Variants in MEOX1 observed in about 807,000 individuals in gnomAD.
The protein encoded by MEOX1 is homeobox protein MOX-1.
Under a neutral mutation model 23.2 loss-of-function variants are expected in MEOX1, and 17 were observed. That is an observed-to-expected ratio of 0.73 (90% confidence interval 0.50 to 1.10). MEOX1 has a LOEUF of 1.10. MEOX1 is among the 50% of genes least tolerant of loss of function. The pLI is 0.00. For synonymous variants in MEOX1, 134 were observed against 135.1 expected (o/e 0.99, Z 0.06); for missense variants, 333 against 332.2 (o/e 1.00, Z -0.02).
In MEOX1 at chr17:43,643,650, C is replaced by G; in HGVS notation, c.480G>C (p.Glu160Asp). The change falls in exon 2 of 3, where the codon GAG (glutamate) becomes GAC (aspartate). Residue 160 changes from glutamate (E) to aspartate (D), a missense_variant. By Grantham distance (45) the Glu-to-Asp change is conservative. Coordinates refer to ENST00000318579, the MANE Select transcript of MEOX1 (RefSeq NM_004527.4). ...RRRKESSDNQ[E>D]NRGKPEGSSK... is the part of the protein sequence containing the mutation. ...TGCTGCCCTCCGGCTTCCCTCTGTT[C>G]TCCTGGTTGTCTGGGGAGAGAGGAC... 6.2e-7 allele frequency: 1 copy of G among 1,612,938 alleles called. No individual in the cohort carries two copies. The highest frequency in any genetic ancestry group is 8.5e-7 in the Non-Finnish European group (1 of 1,179,688).
chr17:43,660,457 G>A (rs771486309), intron 1 of MEOX1, among the ~76,000 whole-genome samples: 2 of 152,098 alleles, frequency 1.3e-5, no homozygotes, highest in African/African-American at 4.8e-5. Context: ...GCCCAGCTCC[G>A]CAGGGTGATA....
At chr17:43,658,154 C>A (rs1267098290) in intron 1 of MEOX1, among the ~76,000 whole-genome samples, 1 of 152,218 alleles carries the variant, frequency 6.6e-6, no homozygotes, top group East Asian at 1.9e-4. Context: ...TTCCAGGGAC[C>A]ACTCAGCCTG....
chr17:43,655,339 C>T (rs1332082319), intron 1 of MEOX1, among the ~76,000 whole-genome samples: 2 of 150,212 alleles, frequency 1.3e-5, no homozygotes, highest in South Asian at 2.1e-4. Context: ...GGCGTGGTGG[C>T]GTGTGCCTGT....
chr17:43,657,104 T>A, intron 1 of MEOX1, among the ~76,000 whole-genome samples: 1 of 149,538 alleles, frequency 6.7e-6, no homozygotes, highest in East Asian at 1.9e-4. Flanking sequence ...TTTCTTTCTC[T>A]CTTTTTCTCT....
chr17:43,642,544 T>C (rs1305258901), intron 2 of MEOX1, among the ~76,000 whole-genome samples: 3 of 152,212 alleles, frequency 2.0e-5, no homozygotes, highest in Non-Finnish European at 2.9e-5. Context: ...GATTTGAATC[T>C]AAGTCTTCTG....
chr17:43,645,171 C>CTTTT (rs869205502), intron 1 of MEOX1, among the ~76,000 whole-genome samples: 13 of 99,782 alleles, frequency 1.3e-4, no homozygotes, highest in Non-Finnish European at 1.6e-4. Context: ...CATTAATTAT[C>CTTTT]TTTTTTTTTT....
chr17:43,657,170 CTTTTT>C (rs57432395), intron 1 of MEOX1, among the ~76,000 whole-genome samples: 10 of 81,714 alleles, frequency 1.2e-4, no homozygotes, highest in Non-Finnish European at 2.0e-4. Context: ...TTCTTTCTTT[CTTTTT>C]TTTTTTTTTT....
chr17:43,643,453 G>C (rs772527885), intron 2 of MEOX1, 35 bp downstream of exon 2: 17 of 1,518,266 alleles, frequency 1.1e-5, no homozygotes, highest in Non-Finnish European at 1.5e-5. Flanking sequence ...GGAGATGAGA[G>C]AGCAAAGAAG....
At chr17:43,648,155 T>C in intron 1 of MEOX1, among the ~76,000 whole-genome samples, 1 of 152,222 alleles carries the variant, frequency 6.6e-6, no homozygotes, top group East Asian at 1.9e-4. Context: ...ACAGTTCCTG[T>C]GCACCCTGCC....
chr17:43,654,960 G>A lies in MEOX1; in HGVS notation c.469+6106C>T, dbSNP rs183124520. 6.4e-3 allele frequency among the ~76,000 whole-genome samples: 971 copies of A among 152,224 alleles called. 13 individuals carry two copies. Among genetic ancestry groups the A allele is most frequent in the African/African-American group, 0.022 (933 of 41,502 alleles). The stretch of plus-strand genomic sequence containing the variant: ...CCAGCTACTCGGGAGGCTGAGGTAG[G>A]AGAATGGCATGAACCCGGGAGGCGG... On this transcript the variant is annotated intron_variant, in intron 1 of 2. Transcript: ENST00000318579.
intron 1 of MEOX1, among the ~76,000 whole-genome samples, chr17:43,656,028 A>G (rs1432972293): frequency 2.6e-5 from 4 of 152,214 alleles, no homozygotes; most frequent in Admixed American, 2.6e-4. Flanking sequence ...GATTTCAAAT[A>G]TAAGATGTCC....
rs928341779 is a variant in MEOX1 at position 43,661,175 on chromosome 17, G to A, written c.360C>T (p.Ser120=). ...CTCCTGTGGTGTCCACCAGGCCCAG[G>A]CTGCTGGTCCCCATTTCCTTGGAAC... is the stretch of plus-strand genomic sequence containing the variant. ...AGGSKEMGTS[S]LGLVDTTGGP... Residue 120 remains serine, a synonymous_variant, in exon 1 of 3, where the codon AGC becomes AGT. Coordinates refer to ENST00000318579, the MANE Select transcript of MEOX1 (RefSeq NM_004527.4). The A allele has an allele frequency of 1.9e-6, 3 of 1,600,318 alleles. No individual in the cohort carries two copies. Among genetic ancestry groups the A allele is most frequent in the Non-Finnish European group, 2.6e-6 (3 of 1,172,926 alleles).
chr17:43,653,476 C>A (rs1421377405), intron 1 of MEOX1, among the ~76,000 whole-genome samples: 1 of 150,652 alleles, frequency 6.6e-6, no homozygotes, highest in Non-Finnish European at 1.5e-5. Context: ...CAAACAGCTC[C>A]CTTCTTTAGA....
chr17:43,653,386 C>A (rs1972954616), intron 1 of MEOX1, among the ~76,000 whole-genome samples: 1 of 151,234 alleles, frequency 6.6e-6, no homozygotes, highest in African/African-American at 2.4e-5. Context: ...GTGATCCACC[C>A]ACCTTGGCCT....
intron 1 of MEOX1, among the ~76,000 whole-genome samples, chr17:43,648,331 T>C (rs1001756812): frequency 2.0e-5 from 3 of 151,530 alleles, no homozygotes; most frequent in Non-Finnish European, 4.4e-5. Flanking sequence ...TAGCCAGGCG[T>C]GGTGGCGGGC....
At chr17:43,648,240 C>A (rs576851638) in intron 1 of MEOX1, among the ~76,000 whole-genome samples, 1 of 152,006 alleles carries the variant, frequency 6.6e-6, no homozygotes, top group African/African-American at 2.4e-5. Flanking sequence ...GAGGCCGAGG[C>A]GGGCGGATCA....
Position 43,661,618 on chromosome 17 carries a change from A to G in MEOX1, c.-84T>C. 7 of 857,592 alleles carry G rather than the reference A, an allele frequency of 8.2e-6. No individual in the cohort carries two copies. Among genetic ancestry groups the G allele is most frequent in the Non-Finnish European group, 1.1e-5 (7 of 610,448 alleles). 53.1% of individuals were successfully genotyped at this position (857,592 alleles called of 1,614,324 possible). A position where few individuals can be genotyped will look rare whatever the true frequency, so the allele number is the denominator to read the frequency against. Reference sequence around the variant, plus strand: ...TTCAAATTTTTAAAAATGCAAAAGAAAAAAAACTAAATAGGAGGGAAAAAT... The same window carrying G: ...TTCAAATTTTTAAAAATGCAAAAGAGAAAAAACTAAATAGGAGGGAAAAAT... On this transcript the variant is annotated 5_prime_UTR_variant, in exon 1 of 3. Coordinates refer to ENST00000318579, the MANE Select transcript of MEOX1 (RefSeq NM_004527.4).
intron 1 of MEOX1, among the ~76,000 whole-genome samples, chr17:43,647,842 G>A (rs1472512109): frequency 2.0e-5 from 3 of 152,164 alleles, no homozygotes; most frequent in Non-Finnish European, 2.9e-5. Context: ...GGGAACTGAC[G>A]GTCTCAGCTA....
At chr17:43,645,127 G>A (rs1208010038) in intron 1 of MEOX1, among the ~76,000 whole-genome samples, 1 of 151,620 alleles carries the variant, frequency 6.6e-6, no homozygotes, top group Non-Finnish European at 1.5e-5. Flanking sequence ...GGCTGCAGGA[G>A]CCCGGGGCTC....
Sources: allele counts gnomAD v4.1 joint callset (sites outside exome capture counted in the v4.1 genomes callset), GRCh38; gene constraint gnomAD v4.1.1; transcripts MANE v1.5; gene names NCBI Gene and HGNC (gene_info 2026-07-23, HGNC 2026-07-21).